Variants in DRD2 observed in about 807,000 individuals in gnomAD.
DRD2 encodes the protein dopamine receptor D2.
Under a neutral mutation model 38.0 loss-of-function variants are expected in DRD2, and 8 were observed. The observed-to-expected ratio is 0.21, with a 90% CI of 0.12 to 0.38. The LOEUF is 0.38. Among genes scored for constraint, DRD2 ranks in the 10% least tolerant of loss-of-function variants. The pLI, the probability that DRD2 is intolerant of heterozygous loss-of-function variation, is 1.00. For missense variants in DRD2, 403 were observed against 607.7 expected, an observed-to-expected ratio of 0.66 and a Z score of 3.54; for synonymous variants, 230 against 238.6, an observed-to-expected ratio of 0.96 and a Z score of 0.33.
chr11:113,436,415 C>T (rs1951037837), intron 1 of DRD2, among the ~76,000 whole-genome samples: 1 of 152,148 alleles, frequency 6.6e-6, no homozygotes, highest in Admixed American at 6.5e-5. Context: ...TAGTTGGATG[C>T]TGATTCAAAG....
At position 113,451,652 on chromosome 11, in the gene DRD2, G is replaced by A. The variant is rs888125502; in HGVS notation, c.-32+23424C>T. 3.3e-5 allele frequency among the ~76,000 whole-genome samples: 5 copies of A among 151,896 alleles called. No homozygotes were observed. In the South Asian group the frequency reaches 6.3e-4, roughly 19 times the overall value. On this transcript the variant is annotated intron_variant, in intron 1 of 7. Transcript: ENST00000362072. Reference sequence around the variant, plus strand: ...ATTACAGGCACCTGCTACCACGCCCGGCTAATTTTGTATTTTTAGTAGAGA... The same window carrying A: ...ATTACAGGCACCTGCTACCACGCCCAGCTAATTTTGTATTTTTAGTAGAGA...
Position 113,414,445 on chromosome 11 carries a change from G to A in DRD2, c.740C>T (p.Pro247Leu). 1.2e-6 allele frequency: 2 copies of A among 1,614,160 alleles called. No homozygotes were observed. The highest frequency in any genetic ancestry group is 1.7e-6 in the Non-Finnish European group (2 of 1,180,036). The change falls in exon 6 of 8, where the codon CCC becomes CTC. Residue 247 changes from proline (P) to leucine (L), a missense_variant. Physicochemically the swap from Pro to Leu is moderately conservative, Grantham distance 98 (BLOSUM62 -3). Coordinates refer to ENST00000362072, the MANE Select transcript of DRD2 (RefSeq NM_000795.4). ...RAPLKGNCTH[P>L]EDMKLCTVIM... ...AACGGTGCAGAGTTTCATGTCCTCG[G>A]GGTGAGTACAGTTGCCCTGTGGAGT...
intron 1 of DRD2, among the ~76,000 whole-genome samples, chr11:113,445,829 A>G (rs1051442339): frequency 6.6e-6 from 1 of 152,162 alleles, no homozygotes; most frequent in African/African-American, 2.4e-5. Context: ...AGCCCAGAGA[A>G]CTTCAAAAAT....
chr11:113,417,084 C>T, intron 3 of DRD2, 85 bp from the exon 4 acceptor site: 1 of 1,538,760 alleles, frequency 6.5e-7, no homozygotes, highest in East Asian at 2.4e-5. Flanking sequence ...GACACCCTCA[C>T]TCCTTGGGGC....
intron 1 of DRD2, among the ~76,000 whole-genome samples, chr11:113,456,900 AT>A (rs1412512490): frequency 6.6e-6 from 1 of 152,208 alleles, no homozygotes; most frequent in Non-Finnish European, 1.5e-5. Context: ...CACATCATGT[AT>A]TTTTTTAACC....
At chr11:113,445,464 C>T (rs918514971) in intron 1 of DRD2, among the ~76,000 whole-genome samples, 2 of 152,262 alleles carry the variant, frequency 1.3e-5, no homozygotes, top group East Asian at 1.9e-4. Flanking sequence ...CAGGCACCTC[C>T]GATACCCAGG....
At chr11:113,418,932 C>T (rs1950854625) in intron 2 of DRD2, among the ~76,000 whole-genome samples, 1 of 152,216 alleles carries the variant, frequency 6.6e-6, no homozygotes, top group Admixed American at 6.5e-5. Flanking sequence ...CATCTGGTTT[C>T]TAGGGACATT....
At chr11:113,459,776 G>A (rs906991470) in intron 1 of DRD2, among the ~76,000 whole-genome samples, 2 of 152,162 alleles carry the variant, frequency 1.3e-5, no homozygotes, top group Non-Finnish European at 2.9e-5. Context: ...ATAGATAGAA[G>A]AGAAGATTGG....
chr11:113,432,836 G>C (rs1291595069), intron 1 of DRD2, among the ~76,000 whole-genome samples: 2 of 152,224 alleles, frequency 1.3e-5, no homozygotes, highest in African/African-American at 4.8e-5. Flanking sequence ...AGGCAGCATG[G>C]AAATGGAAGA....
chr11:113,462,010 C>T (rs1951325008), intron 1 of DRD2, among the ~76,000 whole-genome samples: 1 of 151,970 alleles, frequency 6.6e-6, no homozygotes, highest in African/African-American at 2.4e-5. Context: ...TCCAAACTCC[C>T]TTTACTTTCC....
At chr11:113,425,596 C>T (rs189932144) in intron 1 of DRD2, among the ~76,000 whole-genome samples, 2 of 152,192 alleles carry the variant, frequency 1.3e-5, no homozygotes, top group Admixed American at 6.5e-5. Flanking sequence ...CTGTGGAGAA[C>T]GGAGAGGAGG....
chr11:113,464,748 C>T (rs186854614), intron 1 of DRD2, among the ~76,000 whole-genome samples: 44 of 152,378 alleles, frequency 2.9e-4, no homozygotes, highest in South Asian at 6.2e-4. Flanking sequence ...TACCAGTTCT[C>T]TGATTTCATC....
At chr11:113,446,623 C>G (rs1951152262) in intron 1 of DRD2, among the ~76,000 whole-genome samples, 1 of 152,186 alleles carries the variant, frequency 6.6e-6, no homozygotes, top group Non-Finnish European at 1.5e-5. Flanking sequence ...GCACCCCCTA[C>G]TAACATTAAC....
intron 1 of DRD2, among the ~76,000 whole-genome samples, chr11:113,446,331 T>C (rs1234808886): frequency 6.6e-6 from 1 of 152,076 alleles, no homozygotes; most frequent in Admixed American, 6.6e-5. Flanking sequence ...AGACACAGAG[T>C]TGCTGTCAGA....
intron 1 of DRD2, among the ~76,000 whole-genome samples, chr11:113,463,344 T>C (rs887738136): frequency 2.0e-5 from 3 of 152,156 alleles, no homozygotes; most frequent in South Asian, 2.1e-4. Flanking sequence ...TCTGTGGCCA[T>C]TGGGCACGGG....
intron 1 of DRD2, among the ~76,000 whole-genome samples, chr11:113,451,956 G>A (rs1951213577): frequency 6.6e-6 from 1 of 152,134 alleles, no homozygotes; most frequent in Non-Finnish European, 1.5e-5. Flanking sequence ...GATGGATTAG[G>A]AAGCTGAGTG....
At chr11:113,432,630 A>G (rs1017446211) in intron 1 of DRD2, among the ~76,000 whole-genome samples, 1 of 152,208 alleles carries the variant, frequency 6.6e-6, no homozygotes, top group Non-Finnish European at 1.5e-5. Flanking sequence ...GAGGGGGAGA[A>G]GAAAGCATTT....
At chr11:113,444,745 G>A (rs1460518504) in intron 1 of DRD2, among the ~76,000 whole-genome samples, 2 of 152,168 alleles carry the variant, frequency 1.3e-5, no homozygotes, top group African/African-American at 4.8e-5. Flanking sequence ...AGGGTACAAC[G>A]TTGAACAAGA....
At position 113,465,800 on chromosome 11, in the gene DRD2, A is replaced by G. The variant is rs1010955465; in HGVS notation, c.-32+9276T>C. Reference sequence around the variant, plus strand: ...TACCTGGTCTAATGTCTTCATCTGCAATGGTGTCTTTCTTCCCTCCAGAAG... The same window carrying G: ...TACCTGGTCTAATGTCTTCATCTGCGATGGTGTCTTTCTTCCCTCCAGAAG... On this transcript the variant is annotated intron_variant, in intron 1 of 7. Transcript: ENST00000362072. Among the ~76,000 whole-genome samples the G allele has an allele frequency of 2.0e-5, 3 of 152,310 alleles. No homozygotes were observed. In the South Asian group the frequency reaches 6.2e-4, roughly 32 times the overall value.
Sources: allele counts gnomAD v4.1 joint callset (sites outside exome capture counted in the v4.1 genomes callset), GRCh38; gene constraint gnomAD v4.1.1; transcripts MANE v1.5; gene names NCBI Gene and HGNC (gene_info 2026-07-23, HGNC 2026-07-21).